HTR3B: variants seen among roughly 807,000 people sequenced by gnomAD.
The protein encoded by HTR3B is 5-hydroxytryptamine (serotonin) receptor 3B, ionotropic.
A neutral mutation model predicts 42.8 loss-of-function variants in HTR3B; 44 were observed. The ratio of observed to expected loss-of-function variants is 1.03; its 90% confidence interval spans 0.81 to 1.32. The LOEUF is 1.32. Ranked by LOEUF, HTR3B falls within the 40% of genes most tolerant of loss-of-function variation. The pLI is 0.00. For synonymous variants in HTR3B, 203 were observed against 209.0 expected, an observed-to-expected ratio of 0.97 and a Z score of 0.25; for missense variants, 527 against 536.5, an observed-to-expected ratio of 0.98 and a Z score of 0.17.
At position 113,946,257 on chromosome 11, in the gene HTR3B, T is replaced by C. The variant is rs1950178874; in HGVS notation, c.*120T>C. ...GGTTCTTGCCTATAGTCCCAGTGCT[T>C]TGGGAGGCCATAGCAGGAGGATTGC... On this transcript the variant is annotated 3_prime_UTR_variant, in exon 9 of 9. Coordinates refer to ENST00000260191, the MANE Select transcript of HTR3B (RefSeq NM_006028.5). 1 of 738,794 alleles carries C rather than the reference T, an allele frequency of 1.4e-6. No homozygotes were observed. The highest frequency in any genetic ancestry group is 2.3e-6 in the Non-Finnish European group (1 of 437,226). 45.8% of individuals were successfully genotyped at this position (738,794 alleles called of 1,614,324 possible).
chr11:113,940,892 C>A (rs1950129814), intron 6 of HTR3B, among the ~76,000 whole-genome samples: 1 of 152,196 alleles, frequency 6.6e-6, no homozygotes, highest in African/African-American at 2.4e-5. Flanking sequence ...ACCCTGCACT[C>A]AACTCAGAGG....
intron 2 of HTR3B, among the ~76,000 whole-genome samples, chr11:113,916,034 G>A (rs1388077320): frequency 2.6e-5 from 4 of 152,066 alleles, no homozygotes; most frequent in Admixed American, 1.3e-4. Flanking sequence ...AGATGGTTTC[G>A]CCGTGTTGGC....
At chr11:113,938,593 A>G (rs1950109592) in intron 6 of HTR3B, among the ~76,000 whole-genome samples, 1 of 152,248 alleles carries the variant, frequency 6.6e-6, no homozygotes, top group Admixed American at 6.5e-5. Flanking sequence ...CAACCTGTTC[A>G]TGCTCAATTA....
chr11:113,931,028 AAAGC>A (rs1950029794), intron 2 of HTR3B, among the ~76,000 whole-genome samples: 1 of 152,240 alleles, frequency 6.6e-6, no homozygotes, highest in Non-Finnish European at 1.5e-5. Context: ...ATTACAAATC[AAAGC>A]TTGGTCTCAT....
At chr11:113,930,387 T>C (rs537474233) in intron 2 of HTR3B, among the ~76,000 whole-genome samples, 1 of 152,098 alleles carries the variant, frequency 6.6e-6, no homozygotes, top group Admixed American at 6.5e-5. Context: ...GTGTGAGATA[T>C]CCCTTTTTAA....
chr11:113,901,509 A>T (rs751013413), upstream of HTR3B, among the ~76,000 whole-genome samples: 1 of 152,288 alleles, frequency 6.6e-6, no homozygotes, highest in South Asian at 2.1e-4. Context: ...CTAAGATTAG[A>T]AAAAGAAAGA....
intron 1 of HTR3B, among the ~76,000 whole-genome samples, chr11:113,908,118 C>T (rs899816524): frequency 6.6e-5 from 10 of 152,276 alleles, no homozygotes; most frequent in Admixed American, 4.6e-4. Flanking sequence ...CCAGTTCCGA[C>T]GGTAATGAAA....
At chr11:113,923,734 G>C (rs893602294) in intron 2 of HTR3B, among the ~76,000 whole-genome samples, 4 of 152,130 alleles carry the variant, frequency 2.6e-5, no homozygotes, top group African/African-American at 9.7e-5. Flanking sequence ...GATACACAGA[G>C]GGAAAAGCTG....
chr11:113,903,430 T>G (rs1443414471), upstream of HTR3B, among the ~76,000 whole-genome samples: 1 of 48,822 alleles, frequency 2.0e-5, no homozygotes, highest in East Asian at 1.2e-3. Context: ...TTTCTTTTCT[T>G]TTTTTTTTTT....
intron 2 of HTR3B, among the ~76,000 whole-genome samples, chr11:113,926,468 TTTTCCTTTCCTTTCCTTTCC>T (rs59706001): frequency 8.1e-4 from 65 of 80,334 alleles, no homozygotes; most frequent in Admixed American, 1.5e-3. Context: ...CTTTCCTTTC[TTTTCCTTTCCTTTCCTTTCC>T]TTTCCTTTCC....
chr11:113,948,923 AC>A lies in HTR3B; in HGVS notation c.*2788del, dbSNP rs1950199936. ...GGGGAGGGATAGCATTAGAAGATAT[AC>A]CTAATGTTAATGGGTGCAGCACAGC... is the stretch of plus-strand genomic sequence containing the variant. On this transcript the variant is annotated 3_prime_UTR_variant, in exon 9 of 9. Coordinates refer to ENST00000260191, the MANE Select transcript of HTR3B (RefSeq NM_006028.5). 6.6e-6 allele frequency among the ~76,000 whole-genome samples: 1 copy of A among 152,154 alleles called. No homozygotes were observed. Among genetic ancestry groups the A allele is most frequent in the African/African-American group, 2.4e-5 (1 of 41,440 alleles).
rs759331217 is a variant in HTR3B at position 113,933,067 on chromosome 11, G to A, written c.670G>A (p.Gly224Arg). The A allele has an allele frequency of 1.1e-5, 18 of 1,613,938 alleles. No individual in the cohort carries two copies. In the Admixed American group the frequency reaches 2.2e-4, roughly 19 times the overall value. ...STYSILQSSA[G>R]GFAQIQFNVV... Reference sequence around the variant, plus strand: ...ATACAGCATCCTGCAGAGCAGCGCTGGAGGATTTGCACAGATTCAGTTTAA... The same window carrying A: ...ATACAGCATCCTGCAGAGCAGCGCTAGAGGATTTGCACAGATTCAGTTTAA... Residue 224 changes from glycine (G) to arginine (R), a missense_variant, in exon 6 of 9, where the codon GGA (glycine) becomes AGA (arginine). Gly to Arg is a moderately radical substitution (Grantham distance 125). Transcript: ENST00000260191.
Position 113,947,549 on chromosome 11 carries a change from T to C in HTR3B, c.*1412T>C, listed in dbSNP as rs4936286. On this transcript the variant is annotated 3_prime_UTR_variant, in exon 9 of 9. Transcript: ENST00000260191. ...GTGGCTTTCTTCTGAGCCCTGTCCT[T>C]GGCTTGCAGGTTGCTGACTTCTTGC... Among the ~76,000 whole-genome samples the C allele has an allele frequency of 0.21, 31,212 of 152,182 alleles. 3,526 individuals are homozygous for C. The highest frequency in any genetic ancestry group is 0.36 in the Middle Eastern group (105 of 294).
upstream of HTR3B, among the ~76,000 whole-genome samples, chr11:113,904,190 GA>G (rs946228579): frequency 1.7e-3 from 255 of 150,384 alleles, no homozygotes; most frequent in African/African-American, 5.5e-3. Context: ...ATCAAAAAGT[GA>G]AAAAAAAACT....
At chr11:113,915,101 G>T (rs777072978) in intron 2 of HTR3B, among the ~76,000 whole-genome samples, 5 of 151,780 alleles carry the variant, frequency 3.3e-5, no homozygotes, top group Non-Finnish European at 7.4e-5. Context: ...TTGGTAATTT[G>T]TGTTTTCTCA....
chr11:113,931,943 TC>T, intron 4 of HTR3B, 76 bp downstream of exon 4: 2 of 855,812 alleles, frequency 2.3e-6, no homozygotes, highest in Non-Finnish European at 4.0e-6. Flanking sequence ...TTACTTTCAG[TC>T]AGTGTTGCTC....
upstream of HTR3B, chr11:113,904,711 G>A (rs1013662669): frequency 5.9e-6 from 3 of 504,622 alleles, no homozygotes; most frequent in Non-Finnish European, 1.1e-5. Context: ...AAAGGGAGAA[G>A]TTAAGGGATT....
At chr11:113,905,198 C>T (rs1949726166) in intron 1 of HTR3B, among the ~76,000 whole-genome samples, 1 of 152,164 alleles carries the variant, frequency 6.6e-6, no homozygotes, top group South Asian at 2.1e-4. Context: ...TAGCATCAGA[C>T]TGTGGGGCTT....
chr11:113,943,574 G>A (rs1176760), intron 7 of HTR3B, among the ~76,000 whole-genome samples: 110,409 of 151,710 alleles, frequency 0.73, 41,465 homozygotes, highest in African/African-American at 0.92. Flanking sequence ...ACCTCAGGTG[G>A]TCCGCCCACC....
Sources: allele counts gnomAD v4.1 joint callset (sites outside exome capture counted in the v4.1 genomes callset), GRCh38; gene constraint gnomAD v4.1.1; transcripts MANE v1.5; gene names NCBI Gene and HGNC (gene_info 2026-07-23, HGNC 2026-07-21).